The following GABRG3 variants were observed in gnomAD, a reference collection of about 807,000 sequenced individuals.
GABRG3 encodes the protein gamma-aminobutyric acid type A receptor subunit gamma3.
A neutral mutation model predicts 48.8 loss-of-function variants in GABRG3; 25 were observed. That is an observed-to-expected ratio of 0.51 (90% CI 0.37 to 0.72). The LOEUF is 0.72. Ranked by LOEUF, GABRG3 falls within the 30% of genes least tolerant of loss-of-function variation. The pLI, the probability that GABRG3 is intolerant of heterozygous loss-of-function variation, is 0.00. For missense variants in GABRG3, 394 were observed against 577.9 expected (o/e 0.68, Z 3.26); for synonymous variants, 227 against 217.6 (o/e 1.04, Z -0.38).
chr15:27,003,501 TG>T (rs1182271167), intron 2 of GABRG3, among the ~76,000 whole-genome samples: 2 of 152,048 alleles, frequency 1.3e-5, no homozygotes, highest in South Asian at 4.2e-4. Flanking sequence ...TAACCCTGAG[TG>T]GACACAGCAC....
chr15:27,354,500 G>A (rs577786621), intron 5 of GABRG3, among the ~76,000 whole-genome samples: 2 of 152,210 alleles, frequency 1.3e-5, no homozygotes, highest in Admixed American at 6.5e-5. Context: ...CCAAGTCCCC[G>A]TGTGGGTGGC....
intron 3 of GABRG3, among the ~76,000 whole-genome samples, chr15:27,251,075 G>A (rs749701833): frequency 1.6e-4 from 25 of 152,142 alleles, no homozygotes; most frequent in African/African-American, 5.3e-4. Context: ...CGACTGCCAC[G>A]CCTGCTGCCT....
intron 2 of GABRG3, among the ~76,000 whole-genome samples, chr15:27,006,687 GT>G (rs1196585257): frequency 1.3e-5 from 2 of 152,074 alleles, no homozygotes; most frequent in Non-Finnish European, 2.9e-5. Context: ...CCTGGTGTCT[GT>G]TGTTCCTTTC....
intron 3 of GABRG3, among the ~76,000 whole-genome samples, chr15:27,071,640 G>A (rs1303910427): frequency 6.6e-6 from 1 of 152,204 alleles, no homozygotes; most frequent in Non-Finnish European, 1.5e-5. Context: ...GCTCTCTCTG[G>A]CTGTAGTACG....
At chr15:27,388,356 GGAAGGAAGGAA>G (rs1896100502) in intron 5 of GABRG3, among the ~76,000 whole-genome samples, 4 of 35,636 alleles carry the variant, frequency 1.1e-4, no homozygotes, top group East Asian at 2.0e-3. Context: ...GGGAGGGTAA[GGAAGGAAGGAA>G]GAAAGGAAGG....
At chr15:27,364,894 C>G (rs1293190485) in intron 5 of GABRG3, 1 of 152,120 alleles carries the variant, frequency 6.6e-6, no homozygotes, top group Non-Finnish European at 1.5e-5. Flanking sequence ...TCAGATGTGT[C>G]GTGACTTTTT....
At chr15:27,411,724 A>G (rs1887803780) in intron 5 of GABRG3, among the ~76,000 whole-genome samples, 1 of 152,116 alleles carries the variant, frequency 6.6e-6, no homozygotes, top group East Asian at 1.9e-4. Flanking sequence ...TACAATATAC[A>G]TATTAAATAA....
At chr15:27,444,245 T>C (rs1006801895) in intron 5 of GABRG3, among the ~76,000 whole-genome samples, 18 of 152,204 alleles carry the variant, frequency 1.2e-4, no homozygotes, top group African/African-American at 4.1e-4. Context: ...GTAGTGATTT[T>C]TTTGTCTATT....
chr15:27,354,461 G>A (rs1894770213), intron 5 of GABRG3, among the ~76,000 whole-genome samples: 1 of 152,132 alleles, frequency 6.6e-6, no homozygotes, highest in South Asian at 2.1e-4. Flanking sequence ...GGAACTGCAA[G>A]GGCACCACCC....
At chr15:27,002,502 T>G (rs1175387211) in intron 2 of GABRG3, among the ~76,000 whole-genome samples, 1 of 152,230 alleles carries the variant, frequency 6.6e-6, no homozygotes, top group Admixed American at 6.5e-5. Flanking sequence ...AATGAAGCCA[T>G]TCTACTTTTA....
chr15:27,433,557 C>T (rs1888519231), intron 5 of GABRG3, among the ~76,000 whole-genome samples: 1 of 152,186 alleles, frequency 6.6e-6, no homozygotes, highest in Admixed American at 6.5e-5. Flanking sequence ...TTTCAGACGT[C>T]TTTACTCTGT....
intron 3 of GABRG3, among the ~76,000 whole-genome samples, chr15:27,193,255 G>A (rs1888387326): frequency 2.0e-5 from 3 of 152,204 alleles, no homozygotes. Context: ...AAAGCTGTCA[G>A]ACAGGGACAT....
At chr15:27,455,956 C>T (rs966843049) in intron 5 of GABRG3, among the ~76,000 whole-genome samples, 2 of 152,144 alleles carry the variant, frequency 1.3e-5, no homozygotes, top group Non-Finnish European at 2.9e-5. Flanking sequence ...TAAGCCTGGT[C>T]ACTGGACATG....
chr15:27,270,505 C>T (rs1047609753), intron 3 of GABRG3, among the ~76,000 whole-genome samples: 1 of 152,126 alleles, frequency 6.6e-6, no homozygotes, highest in African/African-American at 2.4e-5. Flanking sequence ...ATTAATACTG[C>T]CTGATGTCAC....
intron 3 of GABRG3, among the ~76,000 whole-genome samples, chr15:27,244,929 G>A (rs1304110524): frequency 2.6e-5 from 4 of 151,990 alleles, no homozygotes; most frequent in Non-Finnish European, 2.9e-5. Flanking sequence ...GTATGGGGTG[G>A]TCATGGCTGG....
At chr15:27,054,951 A>G (rs1484594587) in intron 3 of GABRG3, among the ~76,000 whole-genome samples, 10 of 151,316 alleles carry the variant, frequency 6.6e-5, no homozygotes, top group Admixed American at 6.6e-4. Flanking sequence ...AGAGCGTCAA[A>G]CCTGAGAGTG....
intron 3 of GABRG3, among the ~76,000 whole-genome samples, chr15:27,143,074 A>G (rs935410321): frequency 1.3e-5 from 2 of 152,026 alleles, no homozygotes; most frequent in Non-Finnish European, 2.9e-5. Flanking sequence ...GGATTTATTT[A>G]TGTATTTATT....
chr15:27,473,718 G>A (rs1246298458), intron 5 of GABRG3, among the ~76,000 whole-genome samples: 1 of 152,142 alleles, frequency 6.6e-6, no homozygotes, highest in Admixed American at 6.5e-5. Context: ...AAGAATCTAT[G>A]ATTATGACTA....
At chr15:27,460,123 A>G (rs2150835126) in intron 5 of GABRG3, among the ~76,000 whole-genome samples, 1 of 152,368 alleles carries the variant, frequency 6.6e-6, no homozygotes, top group African/African-American at 2.4e-5. Flanking sequence ...GATAAATTTA[A>G]GTATTATAAT....
Sources: allele counts gnomAD v4.1 joint callset (sites outside exome capture counted in the v4.1 genomes callset), GRCh38; gene constraint gnomAD v4.1.1; transcripts MANE v1.5; gene names NCBI Gene and HGNC (gene_info 2026-07-23, HGNC 2026-07-21).